The following UNC13C variants were observed in gnomAD, a reference collection of about 807,000 sequenced individuals.
UNC13C encodes the protein protein unc-13 homolog C.
UNC13C carries 174 observed loss-of-function variants against 245.4 expected under a neutral mutation model. The observed-to-expected ratio is 0.71, with a 90% CI of 0.63 to 0.80. The LOEUF (loss-of-function observed/expected upper bound fraction) is 0.80. Among genes scored for constraint, UNC13C ranks in the 30% least tolerant of loss-of-function variants. The pLI, the probability that UNC13C is intolerant of heterozygous loss-of-function variation, is 0.00. For missense variants in UNC13C, 2,829 were observed against 2,602.9 expected (o/e 1.09, Z -1.89); for synonymous variants, 992 against 895.1 (o/e 1.11, Z -1.93).
chr15:53,971,009 G>T, the UNC13C span, among the ~76,000 whole-genome samples: 1 of 151,982 alleles, frequency 6.6e-6, no homozygotes, highest in African/African-American at 2.4e-5. Flanking sequence ...TCCACATCTT[G>T]CCAATACTTA....
At chr15:54,270,639 A>G (rs562271978) in intron 10 of UNC13C, among the ~76,000 whole-genome samples, 2 of 152,260 alleles carry the variant, frequency 1.3e-5, no homozygotes, top group African/African-American at 4.8e-5. Context: ...AGTGAGGCCA[A>G]GGGAGAACCA....
At chr15:54,210,425 A>G (rs542394008) in intron 4 of UNC13C, among the ~76,000 whole-genome samples, 214 of 152,014 alleles carry the variant, frequency 1.4e-3, no homozygotes, top group African/African-American at 5.0e-3. Flanking sequence ...TTGTACTGAA[A>G]TGCAATGCTA....
intron 22 of UNC13C, among the ~76,000 whole-genome samples, chr15:54,501,669 G>A (rs868358846): frequency 6.6e-6 from 1 of 152,106 alleles, no homozygotes; most frequent in Non-Finnish European, 1.5e-5. Flanking sequence ...CGTGAAAAGG[G>A]ACACAATTCA....
At chr15:54,307,258 C>G (rs891121710) in intron 13 of UNC13C, among the ~76,000 whole-genome samples, 3 of 151,832 alleles carry the variant, frequency 2.0e-5, no homozygotes, top group Non-Finnish European at 4.4e-5. Context: ...TGGTGTCTGA[C>G]GAGGGCCATT....
At chr15:54,147,543 A>T (rs1217127257) in intron 4 of UNC13C, among the ~76,000 whole-genome samples, 1 of 152,084 alleles carries the variant, frequency 6.6e-6, no homozygotes, top group Non-Finnish European at 1.5e-5. Context: ...TTATTCAATG[A>T]TAGTGAACAA....
At chr15:54,010,339 T>C (rs1198433294) in intron 1 of UNC13C, among the ~76,000 whole-genome samples, 1 of 152,308 alleles carries the variant, frequency 6.6e-6, no homozygotes, top group Non-Finnish European at 1.5e-5. Context: ...TAAATAATTA[T>C]GGTATTTTGA....
At chr15:53,864,981 G>A in the UNC13C span, among the ~76,000 whole-genome samples, 9 of 152,158 alleles carry the variant, frequency 5.9e-5, no homozygotes, top group Non-Finnish European at 1.3e-4. Context: ...CTTAGCCTTG[G>A]ACCAACTACC....
chr15:54,454,763 G>A (rs981219494), intron 19 of UNC13C, among the ~76,000 whole-genome samples: 14 of 151,718 alleles, frequency 9.2e-5, no homozygotes, highest in Non-Finnish European at 1.5e-4. Context: ...CCACAGTGTA[G>A]CAACTCCCAG....
At chr15:54,454,270 T>G (rs776150300) in intron 19 of UNC13C, among the ~76,000 whole-genome samples, 1 of 152,118 alleles carries the variant, frequency 6.6e-6, no homozygotes, top group Admixed American at 6.6e-5. Context: ...AGAGAAACTC[T>G]GTACCCAGTG....
At chr15:54,339,456 T>A (rs1450834953) in intron 17 of UNC13C, among the ~76,000 whole-genome samples, 1 of 152,110 alleles carries the variant, frequency 6.6e-6, no homozygotes, top group Admixed American at 6.6e-5. Flanking sequence ...GTCCATTGTA[T>A]CATTCTTACG....
At chr15:54,125,102 G>T (rs747992666) in intron 2 of UNC13C, among the ~76,000 whole-genome samples, 6 of 152,100 alleles carry the variant, frequency 3.9e-5, no homozygotes, top group Non-Finnish European at 5.9e-5. Context: ...TATCAGAGTT[G>T]TTTTTAGCTA....
chr15:54,085,325 C>A (rs935643714), intron 2 of UNC13C, among the ~76,000 whole-genome samples: 7 of 152,122 alleles, frequency 4.6e-5, no homozygotes, highest in Admixed American at 4.6e-4. Flanking sequence ...TTTTGACAGG[C>A]CCTTAAAGCA....
At chr15:53,956,675 A>G in the UNC13C span, among the ~76,000 whole-genome samples, 1 of 151,616 alleles carries the variant, frequency 6.6e-6, no homozygotes, top group South Asian at 2.1e-4. Flanking sequence ...GAAATTGAAC[A>G]GGGAAAACCA....
intron 10 of UNC13C, among the ~76,000 whole-genome samples, chr15:54,281,424 A>G (rs2036994438): frequency 6.6e-6 from 1 of 152,224 alleles, no homozygotes; most frequent in African/African-American, 2.4e-5. Flanking sequence ...AGAGAGAACC[A>G]AAGATATACT....
intron 4 of UNC13C, among the ~76,000 whole-genome samples, chr15:54,161,660 G>C (rs1471266792): frequency 1.3e-5 from 2 of 150,816 alleles, no homozygotes; most frequent in South Asian, 2.2e-4. Flanking sequence ...TTAAAATTTT[G>C]ACTTTTTCAG....
intron 2 of UNC13C, among the ~76,000 whole-genome samples, chr15:54,052,471 G>A (rs887769394): frequency 6.6e-6 from 1 of 151,758 alleles, no homozygotes; most frequent in Non-Finnish European, 1.5e-5. Context: ...GTGTGAGATG[G>A]TATCTCATTG....
the UNC13C span, among the ~76,000 whole-genome samples, chr15:53,847,093 C>G: frequency 1.3e-5 from 2 of 152,080 alleles, no homozygotes; most frequent in African/African-American, 4.8e-5. Flanking sequence ...CAAAAAACAA[C>G]AAATGCTCAA....
chr15:54,352,781 T>C (rs1478043999), intron 17 of UNC13C, among the ~76,000 whole-genome samples: 1 of 152,116 alleles, frequency 6.6e-6, no homozygotes, highest in Non-Finnish European at 1.5e-5. Context: ...AGGAAATGAA[T>C]TGGTCCCTTT....
intron 29 of UNC13C, among the ~76,000 whole-genome samples, chr15:54,561,793 A>G (rs917194293): frequency 1.3e-5 from 2 of 152,016 alleles, no homozygotes; most frequent in African/African-American, 4.8e-5. Flanking sequence ...ATAGTTCAAG[A>G]TTGTAGCCAG....
Sources: allele counts gnomAD v4.1 joint callset (sites outside exome capture counted in the v4.1 genomes callset), GRCh38; gene constraint gnomAD v4.1.1; transcripts MANE v1.5; gene names NCBI Gene and HGNC (gene_info 2026-07-23, HGNC 2026-07-21).